SGCZ: variants seen among roughly 807,000 people sequenced by gnomAD.
The protein encoded by SGCZ is zeta-sarcoglycan.
SGCZ carries 40 observed loss-of-function variants against 41.3 expected under a neutral mutation model. The observed-to-expected ratio is 0.97, with a 90% CI of 0.75 to 1.26. SGCZ has a LOEUF of 1.26. Among genes scored for constraint, SGCZ ranks in the 50% most tolerant of loss-of-function variants. The pLI is 0.00. For synonymous variants in SGCZ, 206 were observed against 137.5 expected (o/e 1.50, Z -3.49); for missense variants, 552 against 369.8 (o/e 1.49, Z -4.04).
chr8:14,896,694 C>CTCGAA (rs928427213), intron 1 of SGCZ, among the ~76,000 whole-genome samples: 1 of 151,964 alleles, frequency 6.6e-6, no homozygotes, highest in Non-Finnish European at 1.5e-5. Context: ...TCAAGGTAGT[C>CTCGAA]TCGAACTCCT....
intron 2 of SGCZ, among the ~76,000 whole-genome samples, chr8:14,344,491 C>T (rs1253788795): frequency 6.6e-6 from 1 of 151,824 alleles, no homozygotes; most frequent in East Asian, 1.9e-4. Context: ...TTATAAGAAA[C>T]AGAGCAGATA....
rs145429328 is a variant in SGCZ, at chr8:14,336,145, T to G, written c.235-11941A>C. Among the ~76,000 whole-genome samples, 39 of 152,248 alleles carry G rather than the reference T, an allele frequency of 2.6e-4. No homozygotes were observed. In the East Asian group the frequency reaches 7.4e-3, roughly 29 times the overall value. On this transcript the variant is annotated intron_variant, in intron 2 of 7. Coordinates refer to ENST00000382080, the MANE Select transcript of SGCZ (RefSeq NM_139167.4). ...TGTGTTCCCATCATTTAGCTCCCTC[T>G]TATAAGTGATAACATATAGTATTTG...
At chr8:14,459,620 AG>A (rs1326352816) in intron 2 of SGCZ, among the ~76,000 whole-genome samples, 2 of 152,122 alleles carry the variant, frequency 1.3e-5, no homozygotes, top group East Asian at 3.9e-4. Context: ...TAATTATACA[AG>A]GACAAAAACA....
At chr8:14,963,431 C>T (rs28413642) in intron 1 of SGCZ, among the ~76,000 whole-genome samples, 50,858 of 151,622 alleles carry the variant, frequency 0.34, 9,750 homozygotes, top group Non-Finnish European at 0.42. Flanking sequence ...CTGCGCCTCC[C>T]GGGTTCAAGT....
chr8:14,089,017 C>A lies in SGCZ; in HGVS notation c.*1426G>T, dbSNP rs2116945472. ...ACTTACCTTATAGTAATTAAGTCAT[C>A]TTCCCATAATAGGAAATACTTAATA... On this transcript the variant is annotated 3_prime_UTR_variant, in exon 8 of 8. Coordinates refer to ENST00000382080, the MANE Select transcript of SGCZ (RefSeq NM_139167.4). Among the ~76,000 whole-genome samples the A allele has an allele frequency of 6.6e-6, 1 of 152,044 alleles. No individual in the cohort carries two copies. The highest frequency in any genetic ancestry group is 1.9e-4 in the East Asian group (1 of 5,150).
rs146463506 is a variant in SGCZ at position 14,403,686 on chromosome 8, T to C, written c.235-79482A>G. On this transcript the variant is annotated intron_variant, in intron 2 of 7. Coordinates refer to ENST00000382080, the MANE Select transcript of SGCZ (RefSeq NM_139167.4). Reference sequence around the variant, plus strand: ...ACTTATTTTCATAAGTCAGTATTTCTCACAGTATTATACTTCTGGGGGTTC... The same window carrying C: ...ACTTATTTTCATAAGTCAGTATTTCCCACAGTATTATACTTCTGGGGGTTC... Among the ~76,000 whole-genome samples the C allele has an allele frequency of 1.3e-5, 2 of 152,308 alleles. 1 individual carries two copies. Among genetic ancestry groups the C allele is most frequent in the Non-Finnish European group, 2.9e-5 (2 of 68,028 alleles).
intron 1 of SGCZ, among the ~76,000 whole-genome samples, chr8:14,830,351 G>C (rs1255638787): frequency 6.6e-6 from 1 of 151,838 alleles, no homozygotes; most frequent in East Asian, 1.9e-4. Flanking sequence ...GAAGTACTCT[G>C]TATGACATCA....
At chr8:15,064,679 T>C (rs977157667) in intron 1 of SGCZ, among the ~76,000 whole-genome samples, 2 of 152,000 alleles carry the variant, frequency 1.3e-5, no homozygotes, top group Admixed American at 1.3e-4. Flanking sequence ...TCTTTGTCCC[T>C]CCCTAGTTGC....
At chr8:14,994,106 A>T (rs1278025329) in intron 1 of SGCZ, among the ~76,000 whole-genome samples, 2 of 152,178 alleles carry the variant, frequency 1.3e-5, no homozygotes, top group African/African-American at 4.8e-5. Context: ...CATAGGACTT[A>T]TCTTTAGTTC....
At chr8:14,195,033 C>T (rs1449943497) in intron 4 of SGCZ, among the ~76,000 whole-genome samples, 2 of 152,000 alleles carry the variant, frequency 1.3e-5, no homozygotes, top group Non-Finnish European at 2.9e-5. Flanking sequence ...ATATACCTAG[C>T]ACCAAAAAGT....
intron 1 of SGCZ, among the ~76,000 whole-genome samples, chr8:15,159,243 C>T (rs576059658): frequency 1.3e-5 from 2 of 152,166 alleles, no homozygotes; most frequent in Non-Finnish European, 2.9e-5. Context: ...GGGTGGTCCA[C>T]GGAGAGCAGG....
intron 1 of SGCZ, among the ~76,000 whole-genome samples, chr8:14,921,237 C>G (rs1430567365): frequency 6.6e-6 from 1 of 152,116 alleles, no homozygotes; most frequent in African/African-American, 2.4e-5. Flanking sequence ...TTTCAAATCT[C>G]CACATCAATG....
At chr8:14,478,994 G>A (rs1024034343) in intron 2 of SGCZ, among the ~76,000 whole-genome samples, 31 of 152,114 alleles carry the variant, frequency 2.0e-4, no homozygotes, top group African/African-American at 7.5e-4. Context: ...CTCTAACTGT[G>A]ACTAGGTCCT....
intron 1 of SGCZ, among the ~76,000 whole-genome samples, chr8:14,570,536 TA>T (rs904716381): frequency 6.6e-6 from 1 of 152,222 alleles, no homozygotes; most frequent in African/African-American, 2.4e-5. Flanking sequence ...AAGATATAAA[TA>T]TTTTTTCATA....
At chr8:14,598,614 A>AC (rs559603811) in intron 1 of SGCZ, among the ~76,000 whole-genome samples, 16 of 151,034 alleles carry the variant, frequency 1.1e-4, no homozygotes, top group Non-Finnish European at 1.8e-4. Context: ...TGCAGACTCG[A>AC]CCCCCCCGGG....
At chr8:14,873,105 A>G (rs148326573) in intron 1 of SGCZ, among the ~76,000 whole-genome samples, 1 of 152,270 alleles carries the variant, frequency 6.6e-6, no homozygotes, top group Non-Finnish European at 1.5e-5. Flanking sequence ...AACAGCAGTT[A>G]CTTAATAATG....
At chr8:14,773,204 C>G (rs1008280862) in intron 1 of SGCZ, among the ~76,000 whole-genome samples, 2 of 152,066 alleles carry the variant, frequency 1.3e-5, no homozygotes, top group Non-Finnish European at 2.9e-5. Flanking sequence ...TTTCATGTGT[C>G]TTTTGGCTGC....
intron 1 of SGCZ, among the ~76,000 whole-genome samples, chr8:14,558,598 GA>G (rs1804108029): frequency 6.6e-6 from 1 of 151,060 alleles, no homozygotes; most frequent in Admixed American, 6.6e-5. Context: ...GAGAGAGAGA[GA>G]GAGAGAGAGA....
At chr8:14,365,151 A>C (rs1021700774) in intron 2 of SGCZ, among the ~76,000 whole-genome samples, 4 of 152,066 alleles carry the variant, frequency 2.6e-5, no homozygotes, top group African/African-American at 7.2e-5. Flanking sequence ...TTTAGATTAC[A>C]GGGTACATCC....
Sources: gnomAD v4.1 joint callset for allele counts (sites outside exome capture counted in the v4.1 genomes callset) on GRCh38, gnomAD v4.1.1 for gene constraint, MANE v1.5 for transcripts, NCBI Gene and HGNC (gene_info 2026-07-23, HGNC 2026-07-21) for gene names.